Variants in DGKH observed in about 807,000 individuals in gnomAD.
The protein encoded by DGKH is DAG kinase eta.
In DGKH, 90 loss-of-function variants were observed where a neutral mutation model predicts 159.3. The observed-to-expected ratio is 0.57, with a 90% CI of 0.48 to 0.67. The LOEUF is 0.67. Ranked by LOEUF, DGKH falls within the 30% of genes least tolerant of loss-of-function variation. The pLI, the probability that DGKH is intolerant of heterozygous loss-of-function variation, is 0.00. For missense variants in DGKH, 1,181 were observed against 1,506.1 expected (o/e 0.78, Z 3.57); for synonymous variants, 536 against 553.8 (o/e 0.97, Z 0.45).
chr13:42,229,202 A>G lies in DGKH; in HGVS notation c.*14A>G. On this transcript the variant is annotated 3_prime_UTR_variant, in exon 30 of 30. Transcript: ENST00000337343. The stretch of plus-strand genomic sequence containing the variant: ...TCGGAGGTGTAATCATATTGGTGCT[A>G]TTTCTTGGAAGAGAAGTTATTGCCA... 1 of 1,602,658 alleles carries G rather than the reference A, an allele frequency of 6.2e-7. No individual in the cohort carries two copies.
chr13:42,151,463 T>A (rs1955880080), intron 3 of DGKH, among the ~76,000 whole-genome samples: 1 of 141,174 alleles, frequency 7.1e-6, no homozygotes, highest in African/African-American at 2.5e-5. Flanking sequence ...TTTTTGTGAC[T>A]GAGTAGTATT....
At chr13:42,180,315 G>A (rs1455995784) in intron 13 of DGKH, among the ~76,000 whole-genome samples, 1 of 152,118 alleles carries the variant, frequency 6.6e-6, no homozygotes, top group Non-Finnish European at 1.5e-5. Context: ...AACCCCAGTG[G>A]CACTGCCCAC....
downstream of DGKH, among the ~76,000 whole-genome samples, chr13:42,244,923 A>G (rs1958568962): frequency 6.7e-6 from 1 of 150,150 alleles, no homozygotes; most frequent in African/African-American, 2.4e-5. Context: ...AAAAAAAAAA[A>G]AAAAAAAAAA....
intron 29 of DGKH, among the ~76,000 whole-genome samples, chr13:42,249,046 G>C (rs1160588393): frequency 2.0e-5 from 3 of 152,182 alleles, no homozygotes; most frequent in Non-Finnish European, 4.4e-5. Flanking sequence ...ATGCAATATA[G>C]CTTAATATTT....
chr13:42,249,418 A>G (rs1958604276), intron 29 of DGKH, among the ~76,000 whole-genome samples: 1 of 151,924 alleles, frequency 6.6e-6, no homozygotes, highest in African/African-American at 2.4e-5. Context: ...CTCCAAACAA[A>G]CAAACAAACA....
intron 3 of DGKH, among the ~76,000 whole-genome samples, chr13:42,133,557 G>T (rs745888676): frequency 1.1e-4 from 17 of 151,968 alleles, no homozygotes; most frequent in Admixed American, 5.9e-4. Context: ...TTAGCCAGGT[G>T]TAGTGGTGCG....
At chr13:42,183,385 G>A (rs1378036759) in intron 13 of DGKH, among the ~76,000 whole-genome samples, 1 of 151,364 alleles carries the variant, frequency 6.6e-6, no homozygotes, top group East Asian at 1.9e-4. Flanking sequence ...TAAATCACAA[G>A]AGCACAACTC....
chr13:42,072,613 C>T (rs575924861), intron 1 of DGKH, among the ~76,000 whole-genome samples: 31 of 152,184 alleles, frequency 2.0e-4, no homozygotes, highest in African/African-American at 7.5e-4. Context: ...TTCCCATTAG[C>T]TCTGTTTTAG....
At chr13:42,171,531 T>C (rs1956454641) in intron 11 of DGKH, among the ~76,000 whole-genome samples, 1 of 152,246 alleles carries the variant, frequency 6.6e-6, no homozygotes, top group South Asian at 2.1e-4. Context: ...TGCAAGGAAC[T>C]CAGACATTTG....
At chr13:42,244,885 C>T (rs545629548), downstream of DGKH, among the ~76,000 whole-genome samples, 17 of 103,744 alleles carry the variant, frequency 1.6e-4, no homozygotes, top group African/African-American at 6.6e-4. Flanking sequence ...GCCTGGGCGA[C>T]AGAGCGAGAC....
At chr13:42,204,110 A>G (rs892050842) in intron 20 of DGKH, among the ~76,000 whole-genome samples, 3 of 152,160 alleles carry the variant, frequency 2.0e-5, no homozygotes, top group Non-Finnish European at 4.4e-5. Flanking sequence ...TTTCCATACC[A>G]TGTTTGCAAA....
chr13:42,209,605 A>G, intron 23 of DGKH, 140 bp downstream of exon 23: 1 of 1,050,498 alleles, frequency 9.5e-7, no homozygotes, highest in East Asian at 2.9e-5. Flanking sequence ...AATATGAACA[A>G]ATATTTATTT....
intron 1 of DGKH, among the ~76,000 whole-genome samples, chr13:42,063,221 G>C (rs913468308): frequency 2.0e-5 from 3 of 152,026 alleles, no homozygotes; most frequent in Admixed American, 6.6e-5. Context: ...TCTGGAGGAA[G>C]AGCAGAGCAA....
At chr13:42,049,721 T>A (rs1881126703) in intron 1 of DGKH, among the ~76,000 whole-genome samples, 1 of 152,242 alleles carries the variant, frequency 6.6e-6, no homozygotes, top group Admixed American at 6.5e-5. Flanking sequence ...AAGTTACCTC[T>A]GTGCTGTGTG....
rs1417285644 is a variant in DGKH at position 42,234,981 on chromosome 13, T to A, written c.*5793T>A. 6.6e-6 allele frequency: 1 copy of A among 152,236 alleles called. No individual in the cohort carries two copies. Among genetic ancestry groups the A allele is most frequent in the East Asian group, 1.9e-4 (1 of 5,208 alleles). The allele number at this position is 152,236 out of a possible 1,614,324, so 9.4% of individuals were successfully genotyped here. A position where few individuals can be genotyped will look rare whatever the true frequency, so the allele number is the denominator to read the frequency against. ...TTTTCTTATCTTATTTTCTCTTTAT[T>A]ATTTCTTTCCAACTTTTGTTTGGAG... On this transcript the variant is annotated 3_prime_UTR_variant, in exon 30 of 30. Coordinates refer to ENST00000337343, the MANE Select transcript of DGKH (RefSeq NM_178009.5).
At chr13:42,078,149 G>C (rs1446035687) in intron 1 of DGKH, among the ~76,000 whole-genome samples, 2 of 152,178 alleles carry the variant, frequency 1.3e-5, no homozygotes, top group African/African-American at 4.8e-5. Flanking sequence ...AGTGTAGTAA[G>C]TACTGCATCA....
chr13:42,145,853 C>A (rs1955715080), intron 3 of DGKH, among the ~76,000 whole-genome samples: 1 of 152,088 alleles, frequency 6.6e-6, no homozygotes. Flanking sequence ...GCCACATAGG[C>A]CTAATATTTC....
At position 42,238,385 on chromosome 13, in the gene DGKH, G is replaced by A. The variant is rs1958459227; in HGVS notation, c.*9197G>A. ...TACATGTTCATATTATTCATTTTAG[G>A]ATAGGCCAAAACTCACTTCTAAAAT... On this transcript the variant is annotated 3_prime_UTR_variant, in exon 30 of 30. Transcript: ENST00000337343. 6.6e-6 allele frequency: 1 copy of A among 152,058 alleles called. No homozygotes were observed. Among genetic ancestry groups the A allele is most frequent in the Non-Finnish European group, 1.5e-5 (1 of 67,992 alleles). 9.4% of individuals were successfully genotyped at this position (152,058 alleles called of 1,614,324 possible). A position where few individuals can be genotyped will look rare whatever the true frequency, so the allele number is the denominator to read the frequency against.
At chr13:42,160,933 T>G (rs530451358) in intron 7 of DGKH, among the ~76,000 whole-genome samples, 12 of 152,352 alleles carry the variant, frequency 7.9e-5, no homozygotes, top group Middle Eastern at 6.8e-3. Flanking sequence ...TGAGATTGTC[T>G]GATAGGCTAC....
Sources: allele counts gnomAD v4.1 joint callset (sites outside exome capture counted in the v4.1 genomes callset), GRCh38; gene constraint gnomAD v4.1.1; transcripts MANE v1.5; gene names NCBI Gene and HGNC (gene_info 2026-07-23, HGNC 2026-07-21).